The following PSMA1 variants were observed in gnomAD, a reference collection of about 807,000 sequenced individuals.
The protein encoded by PSMA1 is proteasome 20S subunit alpha 1, also known as proteasome subunit alpha type-1.
A neutral mutation model predicts 38.4 loss-of-function variants in PSMA1; 3 were observed. That is an observed-to-expected ratio of 0.08 (90% CI 0.04 to 0.20). The LOEUF is 0.20. Ranked by LOEUF, PSMA1 falls within the 10% of genes least tolerant of loss-of-function variation. PSMA1 has a pLI of 1.00. For synonymous variants in PSMA1, 101 were observed against 107.1 expected (o/e 0.94, Z 0.35); for missense variants, 227 against 325.3 (o/e 0.70, Z 2.32).
chr11:14,620,023 A>C (rs1852822299), intron 1 of PSMA1, among the ~76,000 whole-genome samples: 1 of 152,218 alleles, frequency 6.6e-6, no homozygotes, highest in Admixed American at 6.5e-5. Flanking sequence ...TAAGGACAAC[A>C]GTGATTTGCT....
At chr11:14,531,224 T>C (rs1349676048) in intron 2 of PSMA1, among the ~76,000 whole-genome samples, 7 of 152,176 alleles carry the variant, frequency 4.6e-5, no homozygotes, top group Non-Finnish European at 8.8e-5. Flanking sequence ...AACTTTGGTG[T>C]ACAAATGATT....
intron 2 of PSMA1, among the ~76,000 whole-genome samples, chr11:14,531,960 C>T (rs1292790479): frequency 1.3e-5 from 2 of 152,186 alleles, no homozygotes; most frequent in African/African-American, 4.8e-5. Context: ...GGCAGTGGTA[C>T]TGCATTACCA....
At chr11:14,587,803 C>T (rs1048800657) in intron 2 of PSMA1, among the ~76,000 whole-genome samples, 1 of 152,068 alleles carries the variant, frequency 6.6e-6, no homozygotes, top group African/African-American at 2.4e-5. Context: ...ATGAACAGTG[C>T]CAATACCATA....
At chr11:14,549,174 A>C (rs1422117365) in intron 2 of PSMA1, among the ~76,000 whole-genome samples, 1 of 152,196 alleles carries the variant, frequency 6.6e-6, no homozygotes, top group Non-Finnish European at 1.5e-5. Context: ...ATTTTAAATA[A>C]AACTTATTGC....
chr11:14,542,174 A>T (rs1206381454), intron 2 of PSMA1, among the ~76,000 whole-genome samples: 1 of 152,242 alleles, frequency 6.6e-6, no homozygotes, highest in Non-Finnish European at 1.5e-5. Flanking sequence ...CAGAATAAAA[A>T]TTATAAAATT....
At chr11:14,557,433 G>A (rs936372164) in intron 2 of PSMA1, among the ~76,000 whole-genome samples, 14 of 152,070 alleles carry the variant, frequency 9.2e-5, no homozygotes, top group African/African-American at 2.7e-4. Flanking sequence ...TAGTAGAAAC[G>A]GGGTTTCACC....
At chr11:14,515,387 A>C (rs1851407009) in intron 4 of PSMA1, among the ~76,000 whole-genome samples, 1 of 152,164 alleles carries the variant, frequency 6.6e-6, no homozygotes, top group Admixed American at 6.6e-5. Flanking sequence ...CTCATTAATA[A>C]AGTTTTTATA....
At chr11:14,614,541 G>A (rs191811433) in intron 1 of PSMA1, among the ~76,000 whole-genome samples, 115 of 151,988 alleles carry the variant, frequency 7.6e-4, no homozygotes, top group African/African-American at 2.7e-3. Flanking sequence ...AACTCAGTAC[G>A]CAGAAAGATG....
intron 2 of PSMA1, among the ~76,000 whole-genome samples, chr11:14,609,162 T>C (rs947466819): frequency 1.3e-5 from 2 of 152,216 alleles, no homozygotes; most frequent in African/African-American, 4.8e-5. Context: ...ACTATGCAAT[T>C]TGGAAAGCAA....
At chr11:14,610,927 T>C in intron 2 of PSMA1, 4 of 1,600,440 alleles carry the variant, frequency 2.5e-6, no homozygotes, top group South Asian at 1.1e-5. Context: ...GTGAAATCTA[T>C]GCATTCTGTG....
In PSMA1 at chr11:14,534,294, C is replaced by T. The variant is rs1589985493; in HGVS notation, c.22-15253G>A. Among the ~76,000 whole-genome samples, 3 of 152,128 alleles carry T rather than the reference C, an allele frequency of 2.0e-5. No homozygotes were observed. The East Asian group carries it at 5.8e-4, about 29-fold the overall frequency. ...TTATATATGATTCTTTTTAAACCTG[C>T]TTTTCTATGTAAACATTAAACCACG... On this transcript the variant is annotated intron_variant, in intron 2 of 10. Transcript: ENST00000418988. This position sits in a 1 kb window ranked among gnomAD's most constrained non-coding sequence, Gnocchi z 4.5.
At chr11:14,524,272 T>C (rs1409503372), upstream of PSMA1, among the ~76,000 whole-genome samples, 2 of 152,214 alleles carry the variant, frequency 1.3e-5, no homozygotes, top group East Asian at 1.9e-4. Context: ...GTCAGGCCTC[T>C]GAGCTCAAGC....
At chr11:14,595,090 C>CT (rs1209516836) in intron 2 of PSMA1, among the ~76,000 whole-genome samples, 1 of 152,134 alleles carries the variant, frequency 6.6e-6, no homozygotes, top group Non-Finnish European at 1.5e-5. Flanking sequence ...TGAACTCATC[C>CT]TTTTTTATGG....
intron 2 of PSMA1, among the ~76,000 whole-genome samples, chr11:14,600,691 T>C (rs1304387736): frequency 6.6e-6 from 1 of 152,242 alleles, no homozygotes; most frequent in Non-Finnish European, 1.5e-5. Context: ...TGACCCCTTG[T>C]GCTTCCCAGG....
chr11:14,509,713 G>GTTTTTTTT (rs34597306), intron 8 of PSMA1, among the ~76,000 whole-genome samples: 10 of 109,952 alleles, frequency 9.1e-5, no homozygotes, highest in African/African-American at 2.5e-4. Flanking sequence ...CAAACCGGTT[G>GTTTTTTTT]TTTTTTTTTT....
At chr11:14,584,706 C>G (rs189585829) in intron 2 of PSMA1, among the ~76,000 whole-genome samples, 1 of 152,142 alleles carries the variant, frequency 6.6e-6, no homozygotes, top group South Asian at 2.1e-4. Flanking sequence ...GGCTCCTGAA[C>G]TTCTGTTTGC....
chr11:14,634,193 C>A (rs1363482979), intron 1 of PSMA1, among the ~76,000 whole-genome samples: 1 of 152,146 alleles, frequency 6.6e-6, no homozygotes, highest in Non-Finnish European at 1.5e-5. Context: ...AAAATCATCC[C>A]CCCCGGTCTG....
chr11:14,599,330 T>G (rs1013580882), intron 2 of PSMA1, among the ~76,000 whole-genome samples: 7 of 152,174 alleles, frequency 4.6e-5, no homozygotes, highest in African/African-American at 1.7e-4. Flanking sequence ...TCCTGAAGAG[T>G]GTTTTCCAAC....
chr11:14,571,800 A>C (rs1025582705), intron 2 of PSMA1, among the ~76,000 whole-genome samples: 3 of 152,216 alleles, frequency 2.0e-5, no homozygotes, highest in African/African-American at 7.2e-5. Flanking sequence ...ATAGGCTCAA[A>C]ATAAAGGGAT....
Sources: gnomAD v4.1 joint callset for allele counts (sites outside exome capture counted in the v4.1 genomes callset) on GRCh38, gnomAD v4.1.1 for gene constraint, Gnocchi (gnomAD v3.1) non-coding constraint, MANE v1.5 for transcripts, NCBI Gene and HGNC (gene_info 2026-07-23, HGNC 2026-07-21) for gene names.